The following ADAM2 variants were observed in gnomAD, a reference collection of about 807,000 sequenced individuals.
ADAM2 encodes the protein ADAM metallopeptidase domain 2, also known as disintegrin and metalloproteinase domain-containing protein 2.
ADAM2 carries 101 observed loss-of-function variants against 99.3 expected under a neutral mutation model. That is an observed-to-expected ratio of 1.02 (90% CI 0.87 to 1.20). The LOEUF is 1.20. ADAM2 is among the 50% of genes most tolerant of loss of function. The pLI is 0.00. For missense variants in ADAM2, 948 were observed against 878.7 expected (o/e 1.08, Z -1.00); for synonymous variants, 323 against 287.6 (o/e 1.12, Z -1.25).
chr8:39,801,460 G>T (rs1348317510), intron 7 of ADAM2, among the ~76,000 whole-genome samples: 1 of 152,178 alleles, frequency 6.6e-6, no homozygotes, highest in Non-Finnish European at 1.5e-5. Flanking sequence ...TCTATAGGGG[G>T]TCTGACAACC....
At chr8:39,749,844 A>C (rs878967726) in intron 16 of ADAM2, 100 bp from the exon 17 acceptor site, 27 of 811,750 alleles carry the variant, frequency 3.3e-5, no homozygotes, top group South Asian at 2.2e-4. Flanking sequence ...TGGACTAATA[A>C]AAAGGGTATT....
intron 10 of ADAM2, among the ~76,000 whole-genome samples, chr8:39,784,279 T>C (rs1803363354): frequency 6.6e-6 from 1 of 152,220 alleles, no homozygotes; most frequent in South Asian, 2.1e-4. Flanking sequence ...CTTCCAATTG[T>C]CGTTACTAAA....
At position 39,780,053 on chromosome 8, in the gene ADAM2, A is replaced by G. The variant is rs147526155; in HGVS notation, c.892-2892T>C. On this transcript the variant is annotated intron_variant, in intron 10 of 20. Transcript: ENST00000265708. The stretch of plus-strand genomic sequence containing the variant: ...GACTGGGTAATTTATAAAGAAAAAG[A>G]GGTTTAATGGACTCACAGTTTCACA... Among the ~76,000 whole-genome samples the G allele has an allele frequency of 2.6e-5, 4 of 152,274 alleles. No individual in the cohort carries two copies. The East Asian group carries it at 7.7e-4, about 29-fold the overall frequency.
intron 16 of ADAM2, among the ~76,000 whole-genome samples, chr8:39,754,553 A>T (rs1209563089): frequency 6.6e-6 from 1 of 152,230 alleles, no homozygotes; most frequent in Non-Finnish European, 1.5e-5. Flanking sequence ...AAGTAAATTT[A>T]ATAAAAGCAA....
intron 7 of ADAM2, among the ~76,000 whole-genome samples, chr8:39,809,002 C>T (rs1020010867): frequency 6.6e-6 from 1 of 152,108 alleles, no homozygotes; most frequent in Non-Finnish European, 1.5e-5. Context: ...CATTAAAATA[C>T]TTAATCACCA....
intron 7 of ADAM2, among the ~76,000 whole-genome samples, chr8:39,795,404 T>C (rs1200705424): frequency 6.6e-6 from 1 of 152,132 alleles, no homozygotes; most frequent in Non-Finnish European, 1.5e-5. Flanking sequence ...TTACAATCTA[T>C]TCTCTCTGAA....
intron 6 of ADAM2, among the ~76,000 whole-genome samples, chr8:39,811,712 C>T (rs1302290165): frequency 1.3e-4 from 20 of 152,100 alleles, no homozygotes; most frequent in East Asian, 5.8e-4. Context: ...AAAAGGCCTT[C>T]GACAAAATTC....
chr8:39,815,760 C>T (rs1433031625), intron 6 of ADAM2, among the ~76,000 whole-genome samples: 1 of 151,732 alleles, frequency 6.6e-6, no homozygotes, highest in Non-Finnish European at 1.5e-5. Flanking sequence ...AAAGTGAGGA[C>T]AGCATAAAAC....
chr8:39,778,722 A>G (rs1803097364), intron 10 of ADAM2, among the ~76,000 whole-genome samples: 1 of 152,040 alleles, frequency 6.6e-6, no homozygotes, highest in African/African-American at 2.4e-5. Flanking sequence ...GAGAAGGAAA[A>G]GAAGGAGAAG....
chr8:39,796,696 A>C (rs949381190), intron 7 of ADAM2, among the ~76,000 whole-genome samples: 8 of 152,316 alleles, frequency 5.3e-5, no homozygotes, highest in South Asian at 2.1e-4. Flanking sequence ...CAGCGTCTCC[A>C]GCATCTATTA....
chr8:39,769,525 G>A lies in ADAM2; in HGVS notation c.1079C>T (p.Ala360Val), dbSNP rs1405558655. Residue 360 changes from alanine to valine, a missense_variant, in exon 12 of 21, where the codon GCA becomes GTA. Ala to Val is a moderately conservative substitution (Grantham distance 64). Transcript: ENST00000265708. ...IFSNCSFEDF[A>V]HFISKQKSQC... ...GGACTTCTGCTTTGAAATAAAATGT[G>A]CAAAGTCTTCGAAGCTGCAGTTACT... The A allele has an allele frequency of 1.9e-6, 3 of 1,613,682 alleles. No individual in the cohort carries two copies. Among genetic ancestry groups the A allele is most frequent in the East Asian group, 2.2e-5 (1 of 44,872 alleles).
chr8:39,815,204 C>T (rs1041824394), intron 6 of ADAM2, among the ~76,000 whole-genome samples: 1 of 151,934 alleles, frequency 6.6e-6, no homozygotes, highest in African/African-American at 2.4e-5. Context: ...ATGGAAAGTG[C>T]TAGGTATATA....
chr8:39,753,956 T>C (rs377420425), intron 16 of ADAM2, among the ~76,000 whole-genome samples: 1 of 152,198 alleles, frequency 6.6e-6, no homozygotes, highest in African/African-American at 2.4e-5. Context: ...TCTTTACTAA[T>C]TAATTTAGTA....
chr8:39,773,174 C>T (rs1233375315), intron 11 of ADAM2, among the ~76,000 whole-genome samples: 1 of 151,678 alleles, frequency 6.6e-6, no homozygotes, highest in Non-Finnish European at 1.5e-5. Flanking sequence ...AATCAACTAA[C>T]CTACATCTAA....
At chr8:39,752,107 A>G (rs417069) in intron 16 of ADAM2, among the ~76,000 whole-genome samples, 3,304 of 152,238 alleles carry the variant, frequency 0.022, 133 homozygotes, top group African/African-American at 0.076. Context: ...AGGTTCAGAA[A>G]ATGTGAAACA....
intron 6 of ADAM2, among the ~76,000 whole-genome samples, chr8:39,818,737 T>C (rs1339754982): frequency 6.6e-6 from 1 of 151,948 alleles, no homozygotes; most frequent in Non-Finnish European, 1.5e-5. Flanking sequence ...ACAAAACCAA[T>C]ATGGAAAATT....
At chr8:39,779,547 G>A (rs1042458608) in intron 10 of ADAM2, among the ~76,000 whole-genome samples, 17 of 152,050 alleles carry the variant, frequency 1.1e-4, no homozygotes, top group Admixed American at 9.2e-4. Flanking sequence ...ACAGGTTCTT[G>A]TTATTATTAT....
rs769780162 is a variant in ADAM2, at chr8:39,817,631, A to T, written c.513+3371T>A. Among the ~76,000 whole-genome samples the T allele has an allele frequency of 1.6e-4, 25 of 152,310 alleles. No homozygotes were observed. The Middle Eastern group carries it at 0.017, about 104-fold the overall frequency. On this transcript the variant is annotated intron_variant, in intron 6 of 20. Transcript: ENST00000265708. ...TGTGATTATTATCTGTCAGTTAAACATAAAATTGTCATATGTGATTTAAAA... is the reference window on the plus strand; with the variant it reads ...TGTGATTATTATCTGTCAGTTAAACTTAAAATTGTCATATGTGATTTAAAA...
chr8:39,816,177 A>T (rs1804932815), intron 6 of ADAM2, among the ~76,000 whole-genome samples: 1 of 152,144 alleles, frequency 6.6e-6, no homozygotes, highest in South Asian at 2.1e-4. Flanking sequence ...TGCACCTCTA[A>T]TACCAGCTAC....
Sources: gnomAD v4.1 joint callset for allele counts (sites outside exome capture counted in the v4.1 genomes callset) on GRCh38, gnomAD v4.1.1 for gene constraint, MANE v1.5 for transcripts, NCBI Gene and HGNC (gene_info 2026-07-23, HGNC 2026-07-21) for gene names.